Variants in RASAL2 observed in about 807,000 individuals in gnomAD.
The protein encoded by RASAL2 is ras GTPase-activating protein nGAP.
Under a neutral mutation model 128.9 loss-of-function variants are expected in RASAL2, and 58 were observed. That is an observed-to-expected ratio of 0.45 (90% CI 0.36 to 0.56). The LOEUF (loss-of-function observed/expected upper bound fraction) is 0.56. Ranked by LOEUF, RASAL2 falls within the 20% of genes least tolerant of loss-of-function variation. The pLI is 0.00. For missense variants in RASAL2, 1,360 were observed against 1,601.6 expected (o/e 0.85, Z 2.57); for synonymous variants, 561 against 580.8 (o/e 0.97, Z 0.49).
intron 4 of RASAL2, among the ~76,000 whole-genome samples, chr1:178,391,831 A>G (rs1308024330): frequency 1.3e-5 from 2 of 152,188 alleles, no homozygotes; most frequent in African/African-American, 2.4e-5. Flanking sequence ...GGAGAGACAG[A>G]ACCAATATTT....
At chr1:178,095,823 A>G (rs1373899820) in intron 1 of RASAL2, among the ~76,000 whole-genome samples, 3 of 152,164 alleles carry the variant, frequency 2.0e-5, no homozygotes, top group Admixed American at 6.5e-5. Context: ...CTAAATGGCT[A>G]TGGGATTTGG....
rs573536569 is a variant in RASAL2 at position 178,445,862 on chromosome 1, T to C, written c.1627+200T>C. On this transcript the variant is annotated intron_variant, in intron 9 of 17. Transcript: ENST00000367649. ...AATAATAAATGTAGAAACAGAAACC[T>C]TGTCAGCATACACTGCTACCCCAGG... is the stretch of plus-strand genomic sequence containing the variant. 3.3e-5 allele frequency among the ~76,000 whole-genome samples: 5 copies of C among 152,238 alleles called. No individual in the cohort carries two copies. The South Asian group carries it at 1.0e-3, about 32-fold the overall frequency.
chr1:178,313,525 C>G (rs376337424), intron 3 of RASAL2, among the ~76,000 whole-genome samples: 1 of 151,658 alleles, frequency 6.6e-6, no homozygotes, highest in African/African-American at 2.4e-5. Flanking sequence ...GGGTCTCACT[C>G]TGTCACCCGG....
chr1:178,193,749 T>C (rs1324204691), intron 1 of RASAL2, among the ~76,000 whole-genome samples: 2 of 148,780 alleles, frequency 1.3e-5, no homozygotes, highest in Non-Finnish European at 3.0e-5. Flanking sequence ...AACTTAAACA[T>C]AATTTACCAC....
At chr1:178,107,099 C>T (rs1659114936) in intron 1 of RASAL2, among the ~76,000 whole-genome samples, 2 of 151,774 alleles carry the variant, frequency 1.3e-5, no homozygotes, top group African/African-American at 2.4e-5. Flanking sequence ...ACTTATTAAA[C>T]ATGATAAGTC....
chr1:178,384,228 C>T (rs1347675383), intron 3 of RASAL2, among the ~76,000 whole-genome samples: 2 of 152,124 alleles, frequency 1.3e-5, no homozygotes, highest in Non-Finnish European at 2.9e-5. Context: ...AAAGAAACTG[C>T]ATCTGTGACA....
chr1:178,231,737 A>G (rs1331196181), intron 1 of RASAL2, among the ~76,000 whole-genome samples: 1 of 152,094 alleles, frequency 6.6e-6, no homozygotes, highest in African/African-American at 2.4e-5. Flanking sequence ...ATAAATAGAG[A>G]TTAGAACTTG....
chr1:178,164,164 C>T, intron 1 of RASAL2, among the ~76,000 whole-genome samples: 1 of 148,150 alleles, frequency 6.7e-6, no homozygotes, highest in East Asian at 1.9e-4. Flanking sequence ...AGTTAAAAAA[C>T]TGTAGAAAAG....
At chr1:178,389,719 G>A (rs913193965) in intron 3 of RASAL2, among the ~76,000 whole-genome samples, 9 of 152,066 alleles carry the variant, frequency 5.9e-5, no homozygotes, top group African/African-American at 2.2e-4. Flanking sequence ...ACTATATTTT[G>A]TTCAGAAGAA....
intron 5 of RASAL2, among the ~76,000 whole-genome samples, chr1:178,434,501 A>C (rs1676130340): frequency 6.6e-6 from 1 of 152,104 alleles, no homozygotes; most frequent in Admixed American, 6.6e-5. Context: ...GTCCCATTAG[A>C]CCATCCTGTC....
intron 1 of RASAL2, among the ~76,000 whole-genome samples, chr1:178,197,630 A>C (rs1216208673): frequency 1.3e-5 from 2 of 150,768 alleles, no homozygotes; most frequent in Non-Finnish European, 2.9e-5. Context: ...AAAAAAAAAA[A>C]AGTTAAACAT....
At position 178,161,113 on chromosome 1, in the gene RASAL2, T is replaced by TAA. The variant is rs5778978; in HGVS notation, c.202+66428_202+66429dup. Among the ~76,000 whole-genome samples the TAA allele has an allele frequency of 4.5e-3, 677 of 148,826 alleles. 5 individuals carry two copies. The highest frequency in any genetic ancestry group is 0.013 in the South Asian group (61 of 4,674). On this transcript the variant is annotated intron_variant, in intron 1 of 17. Transcript: ENST00000367649. Reference sequence around the variant, plus strand: ...ACACATTTTTTTCCCTCAAATACTTTAAAAAAAAAAGGATATAGTTAAATA... The same window carrying TAA: ...ACACATTTTTTTCCCTCAAATACTTTAAAAAAAAAAAAGGATATAGTTAAATA...
At chr1:178,366,299 C>T (rs1057147624) in intron 3 of RASAL2, among the ~76,000 whole-genome samples, 1 of 152,046 alleles carries the variant, frequency 6.6e-6, no homozygotes, top group Non-Finnish European at 1.5e-5. Context: ...TCAGGAGTTG[C>T]TTATACTATT....
intron 9 of RASAL2, 65 bp downstream of exon 9, chr1:178,445,727 A>G (rs577650771): frequency 6.8e-6 from 10 of 1,478,648 alleles, no homozygotes; most frequent in East Asian, 2.4e-5. Flanking sequence ...TTTCACCCCC[A>G]TGAGACGAAT....
intron 1 of RASAL2, among the ~76,000 whole-genome samples, chr1:178,259,331 C>T (rs1050514476): frequency 2.6e-5 from 4 of 151,828 alleles, no homozygotes; most frequent in Admixed American, 2.0e-4. Context: ...CGGGGTTTCA[C>T]CGTGTTAGCC....
chr1:178,275,051 A>C (rs1378244032), intron 1 of RASAL2, among the ~76,000 whole-genome samples: 1 of 152,180 alleles, frequency 6.6e-6, no homozygotes, highest in Admixed American at 6.5e-5. Flanking sequence ...TGACTGATCT[A>C]TTGGGATTGA....
intron 3 of RASAL2, among the ~76,000 whole-genome samples, chr1:178,338,159 T>G (rs1396442847): frequency 6.6e-6 from 1 of 152,064 alleles, no homozygotes; most frequent in Non-Finnish European, 1.5e-5. Flanking sequence ...AGACAGAGTC[T>G]TGCTGTGTTA....
At chr1:178,335,214 A>C (rs766491449) in intron 3 of RASAL2, among the ~76,000 whole-genome samples, 2 of 152,042 alleles carry the variant, frequency 1.3e-5, no homozygotes, top group Non-Finnish European at 2.9e-5. Context: ...TCAGGACCAT[A>C]ATTTTCAAAG....
At chr1:178,419,480 G>T (rs1443702287) in intron 4 of RASAL2, among the ~76,000 whole-genome samples, 1 of 151,828 alleles carries the variant, frequency 6.6e-6, no homozygotes, top group Non-Finnish European at 1.5e-5. Flanking sequence ...TAGAGATGGG[G>T]TCTCGCCATT....
Sources: allele counts gnomAD v4.1 joint callset (sites outside exome capture counted in the v4.1 genomes callset), GRCh38; gene constraint gnomAD v4.1.1; transcripts MANE v1.5; gene names NCBI Gene and HGNC (gene_info 2026-07-23, HGNC 2026-07-21).